Variants in LITAF observed in about 807,000 individuals in gnomAD.
LITAF encodes the protein lipopolysaccharide-induced tumor necrosis factor-alpha factor.
In LITAF, 9 loss-of-function variants were observed where a neutral mutation model predicts 14.5. The observed-to-expected ratio is 0.62, with a 90% CI of 0.37 to 1.08. The LOEUF (loss-of-function observed/expected upper bound fraction) is 1.08, where lower values mean the gene tolerates loss of function less well. Ranked by LOEUF, LITAF falls within the 50% of genes least tolerant of loss-of-function variation. LITAF has a pLI of 0.01. For synonymous variants in LITAF, 98 were observed against 88.2 expected (o/e 1.11, Z -0.62); for missense variants, 206 against 213.4 (o/e 0.97, Z 0.22).
At chr16:11,635,039 TAAAATAAAATAAAATAAAATAAA>T (rs1292031720) in intron 2 of LITAF, among the ~76,000 whole-genome samples, 1 of 106 alleles carries the variant, frequency 9.4e-3, no homozygotes, top group Admixed American at 0.12. Context: ...ATCTCAAAAA[TAAAATAAAATAAAATAAAATAAA>T]ATAAAATAAA....
At chr16:11,571,153 C>T (rs1328939465) in intron 1 of LITAF, among the ~76,000 whole-genome samples, 2 of 152,176 alleles carry the variant, frequency 1.3e-5, no homozygotes, top group East Asian at 1.9e-4. Flanking sequence ...CTGCAACCTC[C>T]GCCTCCCAGG....
intron 1 of LITAF, among the ~76,000 whole-genome samples, chr16:11,560,786 G>T (rs567265681): frequency 6.6e-6 from 1 of 152,176 alleles, no homozygotes; most frequent in African/African-American, 2.4e-5. Flanking sequence ...CACAGAAGCA[G>T]GAGGGCAGGG....
At chr16:11,554,746 C>T (rs191110439) in intron 2 of LITAF, among the ~76,000 whole-genome samples, 37 of 145,678 alleles carry the variant, frequency 2.5e-4, no homozygotes, top group Middle Eastern at 3.6e-3. Context: ...CGAGATTATG[C>T]CACTGCACTC....
intron 3 of LITAF, among the ~76,000 whole-genome samples, chr16:11,619,108 C>G (rs1056782381): frequency 6.6e-6 from 1 of 151,604 alleles, no homozygotes; most frequent in African/African-American, 2.4e-5. Flanking sequence ...GTCAGGAGTT[C>G]GAGACCAGCC....
chr16:11,620,407 G>C (rs2065043127), intron 3 of LITAF, among the ~76,000 whole-genome samples: 1 of 152,052 alleles, frequency 6.6e-6, no homozygotes, highest in Admixed American at 6.6e-5. Context: ...GGACATGCCT[G>C]TTCCCCCTTC....
At chr16:11,589,606 C>G (rs74666991), upstream of LITAF, among the ~76,000 whole-genome samples, 710 of 134,556 alleles carry the variant, frequency 5.3e-3, 3 homozygotes, top group African/African-American at 0.018. Flanking sequence ...GATTAACATA[C>G]AAAAATCAGT....
At chr16:11,567,835 T>C (rs1031629276) in intron 1 of LITAF, among the ~76,000 whole-genome samples, 1 of 151,982 alleles carries the variant, frequency 6.6e-6, no homozygotes, top group African/African-American at 2.4e-5. Context: ...TACACAAAAA[T>C]TAGCCAGGCG....
chr16:11,619,062 G>A (rs2065034622), intron 3 of LITAF, among the ~76,000 whole-genome samples: 1 of 151,668 alleles, frequency 6.6e-6, no homozygotes, highest in Non-Finnish European at 1.5e-5. Flanking sequence ...TGTAATCCCA[G>A]CACTTTGGGA....
intron 1 of LITAF, among the ~76,000 whole-genome samples, chr16:11,565,294 G>C (rs1339253206): frequency 6.6e-6 from 1 of 151,898 alleles, no homozygotes; most frequent in African/African-American, 2.4e-5. Flanking sequence ...TGTTGACCAG[G>C]CTGGGCTCGA....
intron 3 of LITAF, chr16:11,629,093 G>A (rs943276377): frequency 2.6e-5 from 4 of 152,344 alleles, no homozygotes; most frequent in Non-Finnish European, 4.4e-5. Context: ...ACAGGCATAA[G>A]CCACGGCACT....
chr16:11,622,762 C>T (rs999244665), intron 3 of LITAF, among the ~76,000 whole-genome samples: 5 of 152,044 alleles, frequency 3.3e-5, no homozygotes, highest in Non-Finnish European at 7.3e-5. Context: ...CACCTAAACC[C>T]ACCCATGCCT....
upstream of LITAF, among the ~76,000 whole-genome samples, chr16:11,600,907 T>C (rs2064922495): frequency 6.6e-6 from 1 of 152,100 alleles, no homozygotes; most frequent in African/African-American, 2.4e-5. The surrounding 1 kb of genome is among the most constrained non-coding windows in gnomAD (Gnocchi z 4.1). Flanking sequence ...GCTCGGGAAC[T>C]GCCAAACATG....
At chr16:11,606,799 T>C (rs1269923931) in intron 3 of LITAF, among the ~76,000 whole-genome samples, 2 of 152,180 alleles carry the variant, frequency 1.3e-5, no homozygotes, top group Non-Finnish European at 2.9e-5. Flanking sequence ...CATGCCCAGC[T>C]AATTTTTTTG....
At chr16:11,579,866 C>A (rs1487788560) in intron 1 of LITAF, among the ~76,000 whole-genome samples, 3 of 152,198 alleles carry the variant, frequency 2.0e-5, no homozygotes, top group Non-Finnish European at 4.4e-5. Flanking sequence ...CAAAATATGA[C>A]TGCAGGAGAC....
intron 3 of LITAF, among the ~76,000 whole-genome samples, chr16:11,625,446 G>A (rs1485317317): frequency 6.6e-6 from 1 of 151,842 alleles, no homozygotes. Context: ...CATTTTTAGT[G>A]GAGACAGGGT....
At chr16:11,603,915 C>T (rs113581889) in intron 3 of LITAF, among the ~76,000 whole-genome samples, 2 of 152,028 alleles carry the variant, frequency 1.3e-5, no homozygotes, top group African/African-American at 4.8e-5. Context: ...GGCGTGGTGG[C>T]GGGCGCCTGT....
At chr16:11,638,066 CTATATATAT>C (rs1567271099), upstream of LITAF, among the ~76,000 whole-genome samples, 1 of 87,922 alleles carries the variant, frequency 1.1e-5, no homozygotes, top group African/African-American at 6.2e-5. Context: ...ATATATATAT[CTATATATAT>C]ATCTATATCT....
upstream of LITAF, chr16:11,586,924 T>C (rs2064814615): frequency 6.7e-6 from 1 of 148,604 alleles, no homozygotes; most frequent in Non-Finnish European, 1.5e-5. This position sits in a 1 kb window ranked among gnomAD's most constrained non-coding sequence, Gnocchi z 6.5. Context: ...AGGTCTGAGC[T>C]GGCCTCTCGG....
At chr16:11,626,013 G>A (rs560244229) in intron 3 of LITAF, among the ~76,000 whole-genome samples, 4 of 152,138 alleles carry the variant, frequency 2.6e-5, no homozygotes, top group South Asian at 4.1e-4. Context: ...TTTGAACCTG[G>A]GAGTCAATTC....
Sources: gnomAD v4.1 joint callset for allele counts (sites outside exome capture counted in the v4.1 genomes callset) on GRCh38, gnomAD v4.1.1 for gene constraint, Gnocchi (gnomAD v3.1) non-coding constraint, MANE v1.5 for transcripts, NCBI Gene and HGNC (gene_info 2026-07-23, HGNC 2026-07-21) for gene names.